Variants in CHST11 observed in about 807,000 individuals in gnomAD.
CHST11 encodes carbohydrate sulfotransferase 11.
In CHST11, 9 loss-of-function variants were observed where a neutral mutation model predicts 30.4. That is an observed-to-expected ratio of 0.30 (90% CI 0.18 to 0.52). The LOEUF (loss-of-function observed/expected upper bound fraction) is 0.52, where lower values mean the gene tolerates loss of function less well. CHST11 is among the 20% of genes least tolerant of loss of function. CHST11 has a pLI of 0.97. For synonymous variants in CHST11, 152 were observed against 187.8 expected (o/e 0.81, Z 1.56); for missense variants, 348 against 460.6 (o/e 0.76, Z 2.24).
At chr12:104,505,831 A>G (rs1010948485) in intron 1 of CHST11, among the ~76,000 whole-genome samples, 3 of 152,116 alleles carry the variant, frequency 2.0e-5, no homozygotes. Context: ...TTCATTATTT[A>G]CCTATTTTGT....
At chr12:104,627,200 C>T (rs942717542) in intron 2 of CHST11, among the ~76,000 whole-genome samples, 1 of 152,108 alleles carries the variant, frequency 6.6e-6, no homozygotes, top group Non-Finnish European at 1.5e-5. Context: ...CTGAATATTC[C>T]ATTGTCTGGA....
intron 2 of CHST11, among the ~76,000 whole-genome samples, chr12:104,704,286 G>A (rs935804484): frequency 6.6e-6 from 1 of 152,194 alleles, no homozygotes; most frequent in Non-Finnish European, 1.5e-5. Flanking sequence ...CGTGCTCAGG[G>A]AGACCCAGGA....
intron 2 of CHST11, among the ~76,000 whole-genome samples, chr12:104,688,324 A>G (rs2039867559): frequency 1.3e-5 from 2 of 151,896 alleles, no homozygotes; most frequent in African/African-American, 4.8e-5. Flanking sequence ...GAACCTTCAC[A>G]GCAACCCTGT....
intron 2 of CHST11, among the ~76,000 whole-genome samples, chr12:104,643,346 A>G (rs1263592860): frequency 2.0e-5 from 3 of 152,190 alleles, no homozygotes; most frequent in African/African-American, 4.8e-5. Context: ...AAGCAAAACA[A>G]AAAACCGCAA....
chr12:104,527,406 T>G (rs1431285171), intron 1 of CHST11, among the ~76,000 whole-genome samples: 2 of 152,218 alleles, frequency 1.3e-5, no homozygotes, highest in Non-Finnish European at 2.9e-5. Flanking sequence ...CTCTGGCTGC[T>G]GTCTGCCTTT....
At chr12:104,584,564 A>G (rs2038783158) in intron 1 of CHST11, among the ~76,000 whole-genome samples, 1 of 152,080 alleles carries the variant, frequency 6.6e-6, no homozygotes. Flanking sequence ...GCCTGTTTTC[A>G]CTTTCATATG....
At chr12:104,475,688 A>ATATATATATATATATATTATT (rs1555226434) in intron 1 of CHST11, among the ~76,000 whole-genome samples, 7 of 78,456 alleles carry the variant, frequency 8.9e-5, no homozygotes, top group Non-Finnish European at 2.0e-4. Flanking sequence ...ATATATATAT[A>ATATATATATATATATATTATT]TATTTCTGAT....
At position 104,548,098 on chromosome 12, in the gene CHST11, A is replaced by T. The variant is rs188207140; in HGVS notation, c.119-53808A>T. ...CTTGTAACCAAACGTATCTTAATTG[A>T]TGCAGGCTTGTTGCCAGACTGTAAA... On this transcript the variant is annotated intron_variant, in intron 1 of 2. Coordinates refer to ENST00000303694, the MANE Select transcript of CHST11 (RefSeq NM_018413.6). Among the ~76,000 whole-genome samples the T allele has an allele frequency of 3.0e-4, 46 of 152,356 alleles. 1 individual carries two copies. Among genetic ancestry groups the T allele is most frequent in the Admixed American group, 2.7e-3 (42 of 15,304 alleles).
chr12:104,690,602 G>T (rs1175318072), intron 2 of CHST11, among the ~76,000 whole-genome samples: 1 of 152,164 alleles, frequency 6.6e-6, no homozygotes, highest in East Asian at 1.9e-4. Flanking sequence ...GAGGAGGGTG[G>T]ATCACTTGAG....
At chr12:104,670,407 A>T (rs1294863387) in intron 2 of CHST11, among the ~76,000 whole-genome samples, 1 of 150,628 alleles carries the variant, frequency 6.6e-6, no homozygotes, top group African/African-American at 2.4e-5. Flanking sequence ...CATTTCCTCC[A>T]CCCACCCCCA....
At chr12:104,668,361 G>A (rs1052393193) in intron 2 of CHST11, among the ~76,000 whole-genome samples, 5 of 152,096 alleles carry the variant, frequency 3.3e-5, no homozygotes, top group Non-Finnish European at 7.4e-5. Flanking sequence ...TCCGTATGTG[G>A]AGCATCTCTG....
intron 2 of CHST11, among the ~76,000 whole-genome samples, chr12:104,732,215 T>A (rs894981023): frequency 6.6e-6 from 1 of 152,200 alleles, no homozygotes; most frequent in African/African-American, 2.4e-5. Flanking sequence ...TTTGCTGGCA[T>A]GGACCTGGCT....
At chr12:104,652,858 G>T in intron 2 of CHST11, among the ~76,000 whole-genome samples, 1 of 151,984 alleles carries the variant, frequency 6.6e-6, no homozygotes, top group East Asian at 1.9e-4. Flanking sequence ...AGCGAAGAGG[G>T]AGGCTGCCCT....
intron 2 of CHST11, among the ~76,000 whole-genome samples, chr12:104,722,584 T>A (rs2040186322): frequency 6.6e-6 from 1 of 152,084 alleles, no homozygotes; most frequent in Non-Finnish European, 1.5e-5. Flanking sequence ...TTCTAACACG[T>A]CATCGTTTCT....
intron 1 of CHST11, among the ~76,000 whole-genome samples, chr12:104,461,745 T>A (rs908009043): frequency 8.5e-5 from 13 of 152,246 alleles, no homozygotes; most frequent in African/African-American, 2.9e-4. Flanking sequence ...TGAAAGATTA[T>A]ATCCTTTATT....
intron 2 of CHST11, among the ~76,000 whole-genome samples, chr12:104,618,771 T>G (rs948347676): frequency 1.3e-5 from 2 of 152,122 alleles, no homozygotes; most frequent in Admixed American, 6.5e-5. Context: ...GGCGTTTTGT[T>G]GTTGGTGTGC....
chr12:104,519,900 G>A (rs75077661), intron 1 of CHST11, among the ~76,000 whole-genome samples: 12 of 152,164 alleles, frequency 7.9e-5, no homozygotes, highest in African/African-American at 2.9e-4. Context: ...TTTGTTGAAG[G>A]CTTTTCTGCA....
chr12:104,662,972 C>T (rs1394445969), intron 2 of CHST11, among the ~76,000 whole-genome samples: 2 of 152,254 alleles, frequency 1.3e-5, no homozygotes, highest in East Asian at 3.8e-4. Context: ...GGAGCCCACT[C>T]AGGTGCCACT....
At chr12:104,639,893 AACAG>A (rs1465782679) in intron 2 of CHST11, among the ~76,000 whole-genome samples, 1 of 103,346 alleles carries the variant, frequency 9.7e-6, no homozygotes, top group Non-Finnish European at 2.3e-5. Flanking sequence ...TAAGAGAACA[AACAG>A]CCCAGTTAAA....
Sources: allele counts gnomAD v4.1 joint callset (sites outside exome capture counted in the v4.1 genomes callset), GRCh38; gene constraint gnomAD v4.1.1; transcripts MANE v1.5; gene names NCBI Gene and HGNC (gene_info 2026-07-23, HGNC 2026-07-21).